The following ACOT2 variants were observed in gnomAD, a reference collection of about 807,000 sequenced individuals.
The protein encoded by ACOT2 is acyl-CoA thioesterase 2, also known as acyl-coenzyme A thioesterase 2, mitochondrial.
In ACOT2, 15 loss-of-function variants were observed where a neutral mutation model predicts 20.1. The ratio of observed to expected loss-of-function variants is 0.75; its 90% CI spans 0.50 to 1.15. The LOEUF is 1.15. ACOT2 is among the 50% of genes most tolerant of loss of function. The pLI, the probability that ACOT2 is intolerant of heterozygous loss-of-function variation, is 0.00. For synonymous variants in ACOT2, 252 were observed against 268.4 expected, an observed-to-expected ratio of 0.94 and a Z score of 0.60; for missense variants, 479 against 615.3, an observed-to-expected ratio of 0.78 and a Z score of 2.34.
At chr14:73,568,826 T>A (rs960632385), upstream of ACOT2, among the ~76,000 whole-genome samples, 3 of 152,018 alleles carry the variant, frequency 2.0e-5, no homozygotes, top group Non-Finnish European at 4.4e-5. Context: ...GGGATTGATG[T>A]GGAGGATAGG....
In ACOT2 at chr14:73,569,775, G is replaced by T. The variant is rs1292991348; in HGVS notation, c.535G>T (p.Gly179Trp). ...EVLDGHDPDP[G>W]RLLCQTRHER... ...GCTGGATGGCCACGACCCCGACCCC[G>T]GGCGGCTGCTGTGCCAGACGCGGCA... Residue 179 changes from glycine to tryptophan, a missense_variant, in exon 1 of 3, where the codon GGG becomes TGG. By Grantham distance (184) the Gly-to-Trp change is radical. Transcript: ENST00000238651. The T allele has an allele frequency of 1.9e-6, 3 of 1,606,520 alleles. No individual in the cohort carries two copies. The African/African-American group carries it at 4.0e-5, about 21-fold the overall frequency.
chr14:73,568,567 A>C (rs916354372), upstream of ACOT2, among the ~76,000 whole-genome samples: 19 of 111,296 alleles, frequency 1.7e-4, no homozygotes, highest in Non-Finnish European at 3.1e-4. Flanking sequence ...CTGTCTCTCA[A>C]AAAAAAAAAG....
At chr14:73,571,801 A>T (rs1013731544) in intron 1 of ACOT2, 1 of 152,120 alleles carries the variant, frequency 6.6e-6, no homozygotes, top group Non-Finnish European at 1.5e-5. Context: ...TTCGCACAGT[A>T]TGTTAAGATT....
chr14:73,569,166 T>A, upstream of ACOT2: 1 of 1,555,636 alleles, frequency 6.4e-7, no homozygotes, highest in Non-Finnish European at 8.7e-7. Context: ...TCGGCTGGAC[T>A]CTGGCCTTCC....
chr14:73,568,580 A>G (rs1330178554), upstream of ACOT2, among the ~76,000 whole-genome samples: 2 of 151,902 alleles, frequency 1.3e-5, no homozygotes, highest in Non-Finnish European at 2.9e-5. Flanking sequence ...AAAAAAAGTA[A>G]CCCTTGCCTG....
intron 2 of ACOT2, chr14:73,574,548 C>CCA (rs569536066): frequency 4.3e-4 from 181 of 424,896 alleles, no homozygotes; most frequent in African/African-American, 3.3e-3. Flanking sequence ...CAGGCGTCAG[C>CCA]CACCACTCCC....
At chr14:73,571,160 G>A (rs182763817) in intron 1 of ACOT2, 2 of 151,650 alleles carry the variant, frequency 1.3e-5, no homozygotes, top group African/African-American at 2.4e-5. Context: ...CTAGCTCCCC[G>A]CTGGCTGGCT....
At chr14:73,570,269 A>G (rs888785756) in intron 1 of ACOT2, among the ~76,000 whole-genome samples, 7 of 151,954 alleles carry the variant, frequency 4.6e-5, no homozygotes, top group African/African-American at 1.7e-4. Context: ...CCTAGTGCTC[A>G]GTTAAAAGAC....
At chr14:73,570,006 C>T (rs1030018771) in intron 1 of ACOT2, 123 bp downstream of exon 1, 1 of 1,394,952 alleles carries the variant, frequency 7.2e-7, no homozygotes, top group Non-Finnish European at 9.4e-7. Context: ...ATTGCCCAGG[C>T]AGGTTTCGAA....
chr14:73,573,880 C>A (rs369909384), intron 2 of ACOT2, among the ~76,000 whole-genome samples: 1 of 152,050 alleles, frequency 6.6e-6, no homozygotes, highest in Admixed American at 6.6e-5. Flanking sequence ...GCACCTGCCA[C>A]CATGCTTGGC....
intron 2 of ACOT2, 138 bp downstream of exon 2, chr14:73,573,728 T>C (rs552834741): frequency 2.2e-5 from 24 of 1,074,546 alleles, no homozygotes; most frequent in African/African-American, 2.0e-4. Context: ...TCACTTCTTA[T>C]AGACAGTTTC....
chr14:73,568,628 A>AT (rs1889646527), upstream of ACOT2, among the ~76,000 whole-genome samples: 1 of 151,996 alleles, frequency 6.6e-6, no homozygotes, highest in Non-Finnish European at 1.5e-5. Flanking sequence ...AAACAAAATA[A>AT]TAACTATTAG....
Position 73,569,566 on chromosome 14 carries a change from A to G in ACOT2, c.326A>G (p.Gln109Arg). 6 of 1,600,674 alleles carry G rather than the reference A, an allele frequency of 3.7e-6. No individual in the cohort carries two copies. The highest frequency in any genetic ancestry group is 5.1e-6 in the Non-Finnish European group (6 of 1,175,114). The change falls in exon 1 of 3, where the codon CAG (glutamine) becomes CGG (arginine). Residue 109 changes from glutamine (Q) to arginine (R), a missense_variant. Around this residue, in one of 4 missense-constraint regions of ACOT2, gnomAD observed 400 missense variants for 395.5 expected, o/e 1.01. Coordinates refer to ENST00000238651, the MANE Select transcript of ACOT2 (RefSeq NM_006821.6). ...CGCGACGAGAAGGGCGCGCTTTTCC[A>G]GGCCCACGCGCGCTACCGCGCCGAC... ...SLRDEKGALF[Q>R]AHARYRADTL...
upstream of ACOT2, chr14:73,567,930 G>C (rs1889634199): frequency 6.6e-6 from 1 of 152,128 alleles, no homozygotes; most frequent in Admixed American, 6.6e-5. Context: ...CTGAACATCA[G>C]AGGAAACAAA....
At position 73,569,265 on chromosome 14, in the gene ACOT2, CA is replaced by C; in HGVS notation, c.26del (p.His9ProfsTer30). The part of the protein sequence containing the change: MSNKLLSP[H>X]PHSVVLRSEF... ...GATGTCTAACAAGCTTCTTTCTCCC[CA>C]CCCCCATTCAGTTGTTCTCAGGTCT... is the stretch of plus-strand genomic sequence containing the variant. On this transcript the variant is annotated frameshift_variant, in exon 1 of 3. Coordinates refer to ENST00000238651, the MANE Select transcript of ACOT2 (RefSeq NM_006821.6). LOFTEE classifies it high-confidence loss of function. 1 of 1,613,882 alleles carries C rather than the reference CA, an allele frequency of 6.2e-7. No individual in the cohort carries two copies. Among genetic ancestry groups the C allele is most frequent in the Non-Finnish European group, 8.5e-7 (1 of 1,179,752 alleles).
chr14:73,568,352 GA>G (rs34209744), upstream of ACOT2, among the ~76,000 whole-genome samples: 2,356 of 146,178 alleles, frequency 0.016, 75 homozygotes, highest in African/African-American at 0.056. Flanking sequence ...CTTAAGTGAT[GA>G]AAAAAAAAAA....
upstream of ACOT2, chr14:73,569,014 A>G: frequency 3.5e-6 from 2 of 572,442 alleles, no homozygotes; most frequent in South Asian, 4.7e-5. Flanking sequence ...GTTCTTTAAG[A>G]ACCAGCCCTG....
At chr14:73,571,402 AG>A in intron 1 of ACOT2, 1 of 153,412 alleles carries the variant, frequency 6.5e-6, no homozygotes, top group Non-Finnish European at 1.5e-5. Flanking sequence ...ATACTTTGGC[AG>A]GGGCTGGTGC....
Position 73,569,334 on chromosome 14 carries a change from C to T in ACOT2, c.94C>T (p.Arg32Trp), listed in dbSNP as rs376800400. ...ATCTCCTGCTGTCCTTCGAGCGTCC[C>T]GGCTGTACCAATGGAGCCTGAAGAG... ...ASSPAVLRAS[R>W]LYQWSLKSSA... The change falls in exon 1 of 3, where the codon CGG becomes TGG. Residue 32 changes from arginine (R) to tryptophan (W), a missense_variant. Coordinates refer to ENST00000238651, the MANE Select transcript of ACOT2 (RefSeq NM_006821.6). The T allele has an allele frequency of 1.2e-6, 2 of 1,613,858 alleles. No homozygotes were observed. Among genetic ancestry groups the T allele is most frequent in the African/African-American group, 1.3e-5 (1 of 74,940 alleles).
Sources: gnomAD v4.1 joint callset for allele counts (sites outside exome capture counted in the v4.1 genomes callset) on GRCh38, gnomAD v4.1.1 for gene constraint, gnomAD v4.1.1 regional missense constraint, MANE v1.5 for transcripts, NCBI Gene and HGNC (gene_info 2026-07-23, HGNC 2026-07-21) for gene names.